Variants in CUL4A observed in about 807,000 individuals in gnomAD.
CUL4A encodes cullin 4A, also known as cullin-4A.
In CUL4A, 16 loss-of-function variants were observed where a neutral mutation model predicts 95.5. The ratio of observed to expected loss-of-function variants is 0.17; its 90% CI spans 0.11 to 0.25. The LOEUF (loss-of-function observed/expected upper bound fraction) is 0.25. Ranked by LOEUF, CUL4A falls within the 10% of genes least tolerant of loss-of-function variation. The pLI is 1.00. For missense variants in CUL4A, 610 were observed against 937.0 expected, an observed-to-expected ratio of 0.65 and a Z score of 4.56; for synonymous variants, 380 against 353.1, an observed-to-expected ratio of 1.08 and a Z score of -0.85.
At chr13:113,239,194 A>G (rs1421623679) in intron 9 of CUL4A, among the ~76,000 whole-genome samples, 7 of 152,226 alleles carry the variant, frequency 4.6e-5, no homozygotes, top group Non-Finnish European at 8.8e-5. Context: ...GAGGGCTTCA[A>G]TGACATAAAG....
intron 18 of CUL4A, among the ~76,000 whole-genome samples, chr13:113,256,836 A>G (rs182503470): frequency 7.2e-6 from 1 of 138,630 alleles, no homozygotes; most frequent in Non-Finnish European, 1.5e-5. Context: ...TTCAAGTCAT[A>G]TGCATTCATT....
At chr13:113,261,274 T>C (rs1351972467) in intron 19 of CUL4A, among the ~76,000 whole-genome samples, 2 of 152,268 alleles carry the variant, frequency 1.3e-5, no homozygotes, top group African/African-American at 2.4e-5. Flanking sequence ...GGGAAAGTAT[T>C]ATGAAACGTT....
chr13:113,222,405 G>C (rs534628961), intron 3 of CUL4A, among the ~76,000 whole-genome samples: 1 of 152,140 alleles, frequency 6.6e-6, no homozygotes, highest in South Asian at 2.1e-4. Context: ...TAGAGGGAAA[G>C]GATCTGACTG....
chr13:113,266,557 G>A lies in CUL4A; in HGVS notation c.*2975G>A, dbSNP rs930306838. On this transcript the variant is annotated 3_prime_UTR_variant, in exon 20 of 20. Coordinates refer to ENST00000375440, the MANE Select transcript of CUL4A (RefSeq NM_001008895.4). ...GCAAATATGCCAGACTAGTCAAATT[G>A]TTTTAAATTCTGCTGTTTTTAGAAC... 12 of 152,194 alleles carry A rather than the reference G, an allele frequency of 7.9e-5. No individual in the cohort carries two copies. Among genetic ancestry groups the A allele is most frequent in the Admixed American group, 5.2e-4 (8 of 15,276 alleles). The allele number at this position is 152,194 out of a possible 1,614,324, so 9.4% of individuals were successfully genotyped here. A position where few individuals can be genotyped will look rare whatever the true frequency, so the allele number is the denominator to read the frequency against.
intron 3 of CUL4A, among the ~76,000 whole-genome samples, chr13:113,220,621 C>T (rs1215045593): frequency 6.6e-6 from 1 of 152,182 alleles, no homozygotes; most frequent in East Asian, 1.9e-4. Flanking sequence ...TTATGAGAGT[C>T]AGTAGGCGGT....
intron 3 of CUL4A, among the ~76,000 whole-genome samples, chr13:113,226,009 C>A (rs1246429953): frequency 6.6e-6 from 1 of 152,214 alleles, no homozygotes. Flanking sequence ...GCCCCTGTAG[C>A]TTTGGTCACA....
Position 113,210,099 on chromosome 13 carries a change from G to A in CUL4A, c.264+11G>A. ...GAGGAGCTCTACCAGGTGAGGCGGC[G>A]GCCGGGGCTGGGGACGCCGCTCCTG... On this transcript the variant is annotated intron_variant, in intron 2 of 19. Coordinates refer to ENST00000375440, the MANE Select transcript of CUL4A (RefSeq NM_001008895.4). 3 of 1,484,672 alleles carry A rather than the reference G, an allele frequency of 2.0e-6. No individual in the cohort carries two copies. Among genetic ancestry groups the A allele is most frequent in the East Asian group, 2.9e-5 (1 of 34,026 alleles). 92.0% of individuals were successfully genotyped at this position (1,484,672 alleles called of 1,614,324 possible). A position where few individuals can be genotyped will look rare whatever the true frequency, so the allele number is the denominator to read the frequency against.
In CUL4A at chr13:113,246,073, C is replaced by T. The variant is rs769500542; in HGVS notation, c.1638+10C>T. ...GCACTTAACCCCAGAAGTAAGTGTG[C>T]AGAAAGCATGCTGTCCGCTCCCGCT... is the stretch of plus-strand genomic sequence containing the variant. On this transcript the variant is annotated intron_variant, in intron 15 of 19. Transcript: ENST00000375440. The T allele has an allele frequency of 2.5e-6, 4 of 1,601,446 alleles. No homozygotes were observed. Among genetic ancestry groups the T allele is most frequent in the Non-Finnish European group, 3.4e-6 (4 of 1,169,598 alleles).
intron 4 of CUL4A, 32 bp from the exon 5 acceptor site, chr13:113,229,414 A>C: frequency 6.3e-7 from 1 of 1,598,536 alleles, no homozygotes; most frequent in Non-Finnish European, 8.6e-7. Context: ...AGTAGAATTC[A>C]TAAGTAAATG....
rs1247070619 is a variant in CUL4A at position 113,235,067 on chromosome 13, C to G, written c.770C>G (p.Pro257Arg). The G allele has an allele frequency of 1.2e-6, 2 of 1,606,298 alleles. No homozygotes were observed. The highest frequency in any genetic ancestry group is 1.7e-6 in the Non-Finnish European group (2 of 1,174,180). Residue 257 changes from proline (P) to arginine (R), a missense_variant, in exon 8 of 20, where the codon CCA (proline) becomes CGA (arginine). Coordinates refer to ENST00000375440, the MANE Select transcript of CUL4A (RefSeq NM_001008895.4). ...TTTAATTGTTTTGTTTGTAAGGTTC[C>G]AGAATATCTTAACCATGTAAGTAAA... ...GQRLMQEREV[P>R]EYLNHVSKRL...
intron 18 of CUL4A, among the ~76,000 whole-genome samples, chr13:113,258,606 T>C (rs1230960485): frequency 6.6e-6 from 1 of 152,234 alleles, no homozygotes; most frequent in Non-Finnish European, 1.5e-5. Flanking sequence ...GCCCAGGTCC[T>C]CTGTGAAGCA....
intron 19 of CUL4A, among the ~76,000 whole-genome samples, chr13:113,261,426 G>A (rs746756081): frequency 3.3e-5 from 5 of 152,146 alleles, no homozygotes; most frequent in Non-Finnish European, 7.3e-5. Context: ...TCCATCAAGG[G>A]AATAAAGTTG....
Position 113,245,339 on chromosome 13 carries a change from C to T in CUL4A, c.1530+102C>T, listed in dbSNP as rs781579986. The T allele has an allele frequency of 2.2e-4, 230 of 1,037,754 alleles. 1 individual carries two copies. The highest frequency in any genetic ancestry group is 1.1e-3 in the Admixed American group (54 of 49,718). The allele number at this position is 1,037,754 out of a possible 1,614,324, so 64.3% of individuals were successfully genotyped here. A position where few individuals can be genotyped will look rare whatever the true frequency, so the allele number is the denominator to read the frequency against. On this transcript the variant is annotated intron_variant, in intron 14 of 19. Coordinates refer to ENST00000375440, the MANE Select transcript of CUL4A (RefSeq NM_001008895.4). Reference sequence around the variant, plus strand: ...CACTTTGGGAGGCAGAGGCAAGAGACGTTCTTGAGGCCAGAAGTTCAAAAC... The same window carrying T: ...CACTTTGGGAGGCAGAGGCAAGAGATGTTCTTGAGGCCAGAAGTTCAAAAC...
chr13:113,236,835 T>A lies in CUL4A; in HGVS notation c.861T>A (p.Ile287=). Residue 287 remains isoleucine (I), a synonymous_variant, in exon 9 of 20, where the codon ATT becomes ATA. Transcript: ENST00000375440. ...TTACCTTATATAGGAAACCACTGATTGCTTGTGTGGAGAAACAGCTATTAG... is the reference window on the plus strand; with the variant it reads ...TTACCTTATATAGGAAACCACTGATAGCTTGTGTGGAGAAACAGCTATTAG... ...YLDHSTQKPL[I]ACVEKQLLGE... The A allele has an allele frequency of 3.7e-6, 6 of 1,610,334 alleles. No homozygotes were observed. The highest frequency in any genetic ancestry group is 5.1e-6 in the Non-Finnish European group (6 of 1,177,344).
chr13:113,243,124 A>T lies in CUL4A; in HGVS notation c.1192A>T (p.Ile398Phe). 6.2e-7 allele frequency: 1 copy of T among 1,614,092 alleles called. No individual in the cohort carries two copies. The highest frequency in any genetic ancestry group is 8.5e-7 in the Non-Finnish European group (1 of 1,179,928). The change falls in exon 11 of 20, where the codon ATC (isoleucine) becomes TTC (phenylalanine). Residue 398 changes from isoleucine (I) to phenylalanine (F), a missense_variant. This residue lies in a region of CUL4A where 153 missense variants were observed against 244.5 expected (regional missense o/e 0.63). Coordinates refer to ENST00000375440, the MANE Select transcript of CUL4A (RefSeq NM_001008895.4). ...GATGAAGGAGTCCTTTGAGACGTTC[A>T]TCAACAAGAGACCCAACAAGCCTGC... The part of the protein sequence containing the change: ...NLMKESFETF[I>F]NKRPNKPAEL...
chr13:113,218,092 C>T (rs1415092340), intron 2 of CUL4A, among the ~76,000 whole-genome samples: 1 of 152,094 alleles, frequency 6.6e-6, no homozygotes, highest in Admixed American at 6.6e-5. Context: ...CAAAAATTAA[C>T]CTGTGCGTGG....
intron 16 of CUL4A, 32 bp downstream of exon 16, chr13:113,253,227 T>C (rs2139276603): frequency 1.7e-6 from 2 of 1,183,418 alleles, no homozygotes; most frequent in East Asian, 2.6e-5. Flanking sequence ...TTTTTTATTA[T>C]TTGTAAATAT....
intron 18 of CUL4A, among the ~76,000 whole-genome samples, chr13:113,258,748 G>A (rs899106369): frequency 6.6e-6 from 1 of 152,238 alleles, no homozygotes; most frequent in Admixed American, 6.5e-5. Context: ...TGTTAGGATA[G>A]AGAAGTGCAG....
rs2040283428 is a variant in CUL4A, at chr13:113,209,768, C to T, written c.141C>T (p.Asn47=). 27 of 1,178,288 alleles carry T rather than the reference C, an allele frequency of 2.3e-5. No individual in the cohort carries two copies. The highest frequency in any genetic ancestry group is 2.7e-5 in the Non-Finnish European group (26 of 953,592). The allele number at this position is 1,178,288 out of a possible 1,614,324, so 73.0% of individuals were successfully genotyped here. Residue 47 remains asparagine (N), a synonymous_variant, in exon 1 of 20, where the codon AAC becomes AAT. Transcript: ENST00000375440. ...GCTCCAAGAAGCTGGTCATCAAGAA[C>T]TTCCGAGGTGGGTGCGGCGGCCGGG... ...AGGSKKLVIK[N]FRDRPRLPDN...
Sources: gnomAD v4.1 joint callset for allele counts (sites outside exome capture counted in the v4.1 genomes callset) on GRCh38, gnomAD v4.1.1 for gene constraint, gnomAD v4.1.1 regional missense constraint, MANE v1.5 for transcripts, NCBI Gene and HGNC (gene_info 2026-07-23, HGNC 2026-07-21) for gene names.